The following LAMA1 variants were observed in gnomAD, a reference collection of about 807,000 sequenced individuals.
LAMA1 encodes laminin subunit alpha-1.
Under a neutral mutation model 348.7 loss-of-function variants are expected in LAMA1, and 219 were observed. The observed-to-expected ratio is 0.63, with a 90% CI of 0.56 to 0.70. The LOEUF (loss-of-function observed/expected upper bound fraction) is 0.70, where lower values mean the gene tolerates loss of function less well. Ranked by LOEUF, LAMA1 falls within the 30% of genes least tolerant of loss-of-function variation. LAMA1 has a pLI of 0.00. For synonymous variants in LAMA1, 1,487 were observed against 1,491.0 expected (o/e 1.00, Z 0.06); for missense variants, 3,744 against 3,888.0 (o/e 0.96, Z 0.99).
rs2058058382 is a variant in LAMA1, at chr18:7,050,592, G to C, written c.588+102C>G. 2.0e-6 allele frequency: 3 copies of C among 1,524,358 alleles called. No individual in the cohort carries two copies. In the East Asian group the frequency reaches 6.8e-5, roughly 34 times the overall value. The allele number at this position is 1,524,358 out of a possible 1,614,324, so 94.4% of individuals were successfully genotyped here. ...AGGCCACTTTAAATAGAGCTAGATA[G>C]TTATATTAAAGATCTTTGTATTGAG... On this transcript the variant is annotated intron_variant, in intron 4 of 62. Transcript: ENST00000389658.
chr18:7,000,976 T>C (rs2144094395), intron 30 of LAMA1, among the ~76,000 whole-genome samples: 1 of 152,340 alleles, frequency 6.6e-6, no homozygotes, highest in Admixed American at 6.5e-5. Context: ...TTTAATTTAT[T>C]AATGCGGACT....
At chr18:7,114,076 C>CAA (rs4012960) in intron 1 of LAMA1, among the ~76,000 whole-genome samples, 6,543 of 114,998 alleles carry the variant, frequency 0.057, 457 homozygotes, top group African/African-American at 0.17. Flanking sequence ...GACTCCGTCT[C>CAA]AAAAAAAAAA....
intron 3 of LAMA1, among the ~76,000 whole-genome samples, chr18:7,071,096 G>A (rs758601811): frequency 5.3e-5 from 8 of 152,166 alleles, no homozygotes; most frequent in Non-Finnish European, 1.2e-4. Flanking sequence ...GCTCTTGCCA[G>A]TCTCCCCATA....
rs762923759 is a variant in LAMA1, at chr18:7,012,097, G to A, written c.3405C>T (p.Gly1135=). Residue 1135 remains glycine, a synonymous_variant, in exon 24 of 63, where the codon GGC becomes GGT. Transcript: ENST00000389658. ...FGPQCNECRE[G]TFALRADNPL... is the part of the protein sequence containing the mutation. The stretch of plus-strand genomic sequence containing the variant: ...GGTTGTCTGCGCGGAGAGCGAAGGT[G>A]CCCTCTCGACATTCGTTGCACTGAG... 29 of 1,613,654 alleles carry A rather than the reference G, an allele frequency of 1.8e-5. No homozygotes were observed. Among genetic ancestry groups the A allele is most frequent in the Non-Finnish European group, 6.8e-6 (8 of 1,179,854 alleles).
At chr18:7,098,093 C>G (rs145163132) in intron 1 of LAMA1, among the ~76,000 whole-genome samples, 3,232 of 150,180 alleles carry the variant, frequency 0.022, 97 homozygotes, top group African/African-American at 0.075. Flanking sequence ...GCAAGTAATC[C>G]GCCAGCCTCA....
At chr18:6,958,182 T>C (rs2057589279) in intron 55 of LAMA1, among the ~76,000 whole-genome samples, 1 of 152,150 alleles carries the variant, frequency 6.6e-6, no homozygotes, top group Non-Finnish European at 1.5e-5. Flanking sequence ...AAAATCCCTA[T>C]GTTCCTTCAA....
Position 7,026,049 on chromosome 18 carries a change from C to G in LAMA1, c.2332G>C (p.Gly778Arg). 1 of 1,609,926 alleles carries G rather than the reference C, an allele frequency of 6.2e-7. No individual in the cohort carries two copies. The highest frequency in any genetic ancestry group is 8.5e-7 in the Non-Finnish European group (1 of 1,177,976). Residue 778 changes from glycine (G) to arginine (R), a missense_variant, in exon 17 of 63, where the codon GGG (glycine) becomes CGG (arginine). Coordinates refer to ENST00000389658, the MANE Select transcript of LAMA1 (RefSeq NM_005559.4). ...CCAGGTGTCCCTCGGGAAGGCTCCCCGTAGAAGCCGGGCAAGCACTGCTCA... is the reference window on the plus strand; with the variant it reads ...CCAGGTGTCCCTCGGGAAGGCTCCCGGTAGAAGCCGGGCAAGCACTGCTCA... ...HCEQCLPGFY[G>R]EPSRGTPGDC...
chr18:7,115,656 C>A (rs2058352282), intron 1 of LAMA1, among the ~76,000 whole-genome samples: 2 of 147,992 alleles, frequency 1.4e-5, no homozygotes, highest in South Asian at 2.1e-4. Flanking sequence ...TCATGGGGCA[C>A]AAAATCGTTT....
chr18:7,102,975 T>C lies in LAMA1; in HGVS notation c.61+14685A>G, dbSNP rs548915769. On this transcript the variant is annotated intron_variant, in intron 1 of 62. Transcript: ENST00000389658. ...AGATGAGAACATGCCAGATTAATAA[T>C]GTCTTCAAGTCATCAGGGTCCTCCT... 2.6e-5 allele frequency among the ~76,000 whole-genome samples: 4 copies of C among 152,226 alleles called. No homozygotes were observed. The South Asian group carries it at 8.3e-4, about 32-fold the overall frequency.
At position 6,999,963 on chromosome 18, in the gene LAMA1, C is replaced by T. The variant is rs756779273; in HGVS notation, c.4417G>A (p.Asp1473Asn). The T allele has an allele frequency of 1.1e-5, 18 of 1,613,952 alleles. No homozygotes were observed. In the South Asian group the frequency reaches 1.6e-4, roughly 15 times the overall value. ...AGGAGACAGGCGTCACAACGGAAAT[C>T]GTGGTCCCCTTCCAAGACACAAGTG... ...SPTCVLEGDH[D>N]FRCDACLLGY... The change falls in exon 31 of 63, where the codon GAT becomes AAT. Residue 1473 changes from aspartate (D) to asparagine (N), a missense_variant. This residue lies in a region of LAMA1 where 1,983 missense variants were observed against 1,934.3 expected (regional missense o/e 1.03). Transcript: ENST00000389658.
At position 7,000,408 on chromosome 18, in the gene LAMA1, C is replaced by G. The variant is rs1318851069; in HGVS notation, c.4383-411G>C. Among the ~76,000 whole-genome samples the G allele has an allele frequency of 2.0e-5, 3 of 152,204 alleles. No homozygotes were observed. In the East Asian group the frequency reaches 5.8e-4, roughly 29 times the overall value. ...CAGAGGGAAGATGGCTGAACACACGCTGACGAAAAGAACTTTATTGACTGT... is the reference window on the plus strand; with the variant it reads ...CAGAGGGAAGATGGCTGAACACACGGTGACGAAAAGAACTTTATTGACTGT... On this transcript the variant is annotated intron_variant, in intron 30 of 62. Coordinates refer to ENST00000389658, the MANE Select transcript of LAMA1 (RefSeq NM_005559.4).
chr18:7,015,003 C>A (rs538246915), intron 22 of LAMA1, among the ~76,000 whole-genome samples: 1 of 151,764 alleles, frequency 6.6e-6, no homozygotes, highest in Non-Finnish European at 1.5e-5. Context: ...CCCATCACCA[C>A]GCCCAGCTAA....
rs192742935 is a variant in LAMA1, at chr18:7,055,857, G to A, written c.346-4921C>T. Among the ~76,000 whole-genome samples, 84 of 152,058 alleles carry A rather than the reference G, an allele frequency of 5.5e-4. No homozygotes were observed. In the East Asian group the frequency reaches 0.014, roughly 25 times the overall value. On this transcript the variant is annotated intron_variant, in intron 3 of 62. Coordinates refer to ENST00000389658, the MANE Select transcript of LAMA1 (RefSeq NM_005559.4). ...AGCATTTTGGGAGGCCGAGGCGGGC[G>A]GATCACGAGGTCAGGAGATCGAGAC...
chr18:7,087,462 C>A (rs1230951407), intron 1 of LAMA1, among the ~76,000 whole-genome samples: 1 of 152,158 alleles, frequency 6.6e-6, no homozygotes, highest in Non-Finnish European at 1.5e-5. Context: ...TTGCTTCCAG[C>A]CGATGCCCAT....
intron 12 of LAMA1, among the ~76,000 whole-genome samples, chr18:7,037,344 AC>A (rs1374815042): frequency 1.3e-5 from 2 of 152,288 alleles, no homozygotes; most frequent in East Asian, 3.9e-4. Flanking sequence ...CACCAAACAC[AC>A]TGCTCAGGAA....
chr18:6,980,454 T>C, intron 42 of LAMA1, 67 bp downstream of exon 42: 1 of 1,099,708 alleles, frequency 9.1e-7, no homozygotes, highest in Non-Finnish European at 1.4e-6. Flanking sequence ...AGGACTTCCT[T>C]ATGTTCCTGA....
intron 39 of LAMA1, 117 bp downstream of exon 39, chr18:6,985,120 G>T (rs1354822584): frequency 1.7e-6 from 2 of 1,211,818 alleles, no homozygotes; most frequent in African/African-American, 3.0e-5. Context: ...AAATAAAACA[G>T]GAGTGCTCAT....
rs772544804 is a variant in LAMA1 at position 6,997,818 on chromosome 18, G to A, written c.4730C>T (p.Ser1577Phe). 3.7e-6 allele frequency: 6 copies of A among 1,614,070 alleles called. No homozygotes were observed. The Middle Eastern group carries it at 4.9e-4, about 133-fold the overall frequency. Reference protein sequence around the residue: ...DLDEIGDAVLSLNLTGIIPVP... With the variant: ...DLDEIGDAVLFLNLTGIIPVP... ...AGGGATAATGCCAGTGAGGTTCAGA[G>A]AAAGAACGGCATCACCAATCTCATC... Residue 1577 changes from serine (S) to phenylalanine (F), a missense_variant, in exon 33 of 63, where the codon TCT becomes TTT. Ser to Phe is a radical substitution (Grantham distance 155). Transcript: ENST00000389658.
At chr18:6,943,130 C>T in intron 62 of LAMA1, 50 bp downstream of exon 62, 2 of 1,517,500 alleles carry the variant, frequency 1.3e-6, no homozygotes, top group Non-Finnish European at 9.1e-7. Flanking sequence ...CCAAGACTTC[C>T]TCCAGGGACA....
Sources: gnomAD v4.1 joint callset for allele counts (sites outside exome capture counted in the v4.1 genomes callset) on GRCh38, gnomAD v4.1.1 for gene constraint, gnomAD v4.1.1 regional missense constraint, MANE v1.5 for transcripts, NCBI Gene and HGNC (gene_info 2026-07-23, HGNC 2026-07-21) for gene names.